ALK: variants seen among roughly 807,000 people sequenced by gnomAD.
ALK encodes ALK tyrosine kinase receptor.
In ALK, 74 loss-of-function variants were observed where a neutral mutation model predicts 163.1. That is an observed-to-expected ratio of 0.45 (90% CI 0.38 to 0.55). The LOEUF (loss-of-function observed/expected upper bound fraction) is 0.55, where lower values mean the gene tolerates loss of function less well. Ranked by LOEUF, ALK falls within the 20% of genes least tolerant of loss-of-function variation. The pLI, the probability that ALK is intolerant of heterozygous loss-of-function variation, is 0.00. For missense variants in ALK, 2,063 were observed against 2,105.3 expected (o/e 0.98, Z 0.39); for synonymous variants, 960 against 843.2 (o/e 1.14, Z -2.40).
intron 3 of ALK, among the ~76,000 whole-genome samples, chr2:29,692,513 C>T (rs141422575): frequency 8.3e-4 from 127 of 152,378 alleles, no homozygotes; most frequent in African/African-American, 2.9e-3. Context: ...AAGTACTCAA[C>T]CTAGAACCCT....
At chr2:29,653,665 G>A (rs1405397526) in intron 3 of ALK, among the ~76,000 whole-genome samples, 4 of 152,124 alleles carry the variant, frequency 2.6e-5, no homozygotes, top group Admixed American at 6.6e-5. Flanking sequence ...AGCAAAGGGT[G>A]GCTAAAGTTT....
chr2:29,913,716 G>A (rs1667764566), intron 1 of ALK, among the ~76,000 whole-genome samples: 1 of 152,014 alleles, frequency 6.6e-6, no homozygotes, highest in Non-Finnish European at 1.5e-5. Context: ...TTTTTAGATT[G>A]AGGGATCTTC....
In ALK at chr2:29,367,812, G is replaced by A. The variant is rs537049531; in HGVS notation, c.1282+15920C>T. Among the ~76,000 whole-genome samples, 42 of 152,260 alleles carry A rather than the reference G, an allele frequency of 2.8e-4. 1 individual carries two copies. In the South Asian group the frequency reaches 7.7e-3, roughly 28 times the overall value. On this transcript the variant is annotated intron_variant, in intron 5 of 28. Coordinates refer to ENST00000389048, the MANE Select transcript of ALK (RefSeq NM_004304.5). ...CTAGAATCTAAGCTTATGCTACTTG[G>A]CTTATTTGTCTTTGCCTATAATTAC... is the stretch of plus-strand genomic sequence containing the variant.
At chr2:29,750,804 G>T (rs1193268319) in intron 1 of ALK, among the ~76,000 whole-genome samples, 1 of 152,054 alleles carries the variant, frequency 6.6e-6, no homozygotes, top group Admixed American at 6.5e-5. Context: ...GTGGCTTGTG[G>T]CTCATGCCTG....
chr2:29,543,372 G>T (rs1265696533), intron 3 of ALK, among the ~76,000 whole-genome samples: 1 of 152,226 alleles, frequency 6.6e-6, no homozygotes, highest in Non-Finnish European at 1.5e-5. Flanking sequence ...TGTACAGATG[G>T]TGTTTGTCCT....
rs577141796 is a variant in ALK at position 29,853,086 on chromosome 2, A to G, written c.667+66907T>C. On this transcript the variant is annotated intron_variant, in intron 1 of 28. Transcript: ENST00000389048. ...AAGATAACAGCTATAACCAAAGAAT[A>G]AGACAGAGAAAACTCATAAACTAGC... Among the ~76,000 whole-genome samples, 20 of 152,368 alleles carry G rather than the reference A, an allele frequency of 1.3e-4. No individual in the cohort carries two copies. The South Asian group carries it at 3.9e-3, about 30-fold the overall frequency.
At chr2:29,821,055 C>G (rs1424919433) in intron 1 of ALK, among the ~76,000 whole-genome samples, 1 of 152,186 alleles carries the variant, frequency 6.6e-6, no homozygotes, top group East Asian at 1.9e-4. Context: ...GGGCGGGTGT[C>G]TGGCTGAAGC....
chr2:29,417,138 C>A (rs1056394340), intron 4 of ALK, among the ~76,000 whole-genome samples: 1 of 151,876 alleles, frequency 6.6e-6, no homozygotes, highest in African/African-American at 2.4e-5. Flanking sequence ...CAGGTGCCTG[C>A]CACCATGCCC....
intron 8 of ALK, among the ~76,000 whole-genome samples, chr2:29,311,299 C>A (rs10432706): frequency 0.67 from 101,719 of 152,032 alleles, 34,939 homozygotes; most frequent in East Asian, 0.79. Flanking sequence ...GAGTGAGATC[C>A]TAAAGGTGGG....
chr2:29,661,516 G>C (rs1468009411), intron 3 of ALK, among the ~76,000 whole-genome samples: 2 of 152,026 alleles, frequency 1.3e-5, no homozygotes, highest in African/African-American at 2.4e-5. Flanking sequence ...CAATCACTTT[G>C]AACTCTAACA....
chr2:29,497,089 G>T (rs557872494), intron 4 of ALK, among the ~76,000 whole-genome samples: 71 of 152,250 alleles, frequency 4.7e-4, no homozygotes, highest in Admixed American at 9.8e-4. Context: ...TAGTCAACAT[G>T]GTGAAACCCC....
intron 4 of ALK, among the ~76,000 whole-genome samples, chr2:29,436,952 G>C (rs1050498651): frequency 8.5e-5 from 13 of 152,206 alleles, no homozygotes; most frequent in Non-Finnish European, 1.6e-4. Flanking sequence ...AGGAGTGACA[G>C]AGGTAGTGAG....
intron 8 of ALK, among the ~76,000 whole-genome samples, chr2:29,308,091 A>G (rs926535282): frequency 6.9e-6 from 1 of 143,940 alleles, no homozygotes; most frequent in Non-Finnish European, 1.5e-5. Flanking sequence ...TTTTTTTTTT[A>G]CAATGAATAT....
At chr2:29,666,509 T>C (rs557011440) in intron 3 of ALK, among the ~76,000 whole-genome samples, 1 of 152,196 alleles carries the variant, frequency 6.6e-6, no homozygotes, top group African/African-American at 2.4e-5. Context: ...TTACTCAGTG[T>C]CTCCCAAACA....
At chr2:29,496,947 C>T (rs1056321404) in intron 4 of ALK, among the ~76,000 whole-genome samples, 1 of 152,194 alleles carries the variant, frequency 6.6e-6, no homozygotes, top group African/African-American at 2.4e-5. Context: ...ATCATCATCA[C>T]ATTCCGGGCA....
chr2:29,674,741 T>G lies in ALK; in HGVS notation c.952+20109A>C, dbSNP rs1474630013. On this transcript the variant is annotated intron_variant, in intron 3 of 28. Transcript: ENST00000389048. ...TTTTCTATTGATTGGAATAGTTTCA[T>G]AAGGAATGGTACCAGTTCCTCCTTG... 1.5e-4 allele frequency among the ~76,000 whole-genome samples: 23 copies of G among 151,056 alleles called. 1 individual carries two copies. Among genetic ancestry groups the G allele is most frequent in the South Asian group, 4.2e-4 (2 of 4,722 alleles).
intron 1 of ALK, among the ~76,000 whole-genome samples, chr2:29,872,130 C>G (rs1273440295): frequency 2.0e-5 from 3 of 152,208 alleles, no homozygotes; most frequent in Non-Finnish European, 4.4e-5. Flanking sequence ...CAGAGGCTTT[C>G]AGAGAGGAGA....
chr2:29,762,026 G>T (rs771272753), intron 1 of ALK, among the ~76,000 whole-genome samples: 1 of 152,086 alleles, frequency 6.6e-6, no homozygotes, highest in Non-Finnish European at 1.5e-5. Context: ...GGGAATAATC[G>T]CAATCTGCAC....
chr2:29,721,147 C>A lies in ALK; in HGVS notation c.668-3450G>T, dbSNP rs1317228673. Among the ~76,000 whole-genome samples, 5 of 152,174 alleles carry A rather than the reference C, an allele frequency of 3.3e-5. No homozygotes were observed. In the South Asian group the frequency reaches 1.0e-3, roughly 32 times the overall value. Reference sequence around the variant, plus strand: ...GCTGTTTTTCTGATGATTTCTTAAGCCCTTTCTAGGCACTGCAGGGTATCA... The same window carrying A: ...GCTGTTTTTCTGATGATTTCTTAAGACCTTTCTAGGCACTGCAGGGTATCA... On this transcript the variant is annotated intron_variant, in intron 1 of 28. Transcript: ENST00000389048.
Sources: gnomAD v4.1 joint callset for allele counts (sites outside exome capture counted in the v4.1 genomes callset) on GRCh38, gnomAD v4.1.1 for gene constraint, MANE v1.5 for transcripts, NCBI Gene and HGNC (gene_info 2026-07-23, HGNC 2026-07-21) for gene names.